The following PARD3 variants were observed in gnomAD, a reference collection of about 807,000 sequenced individuals.
PARD3 encodes par-3 family cell polarity regulator.
A neutral mutation model predicts 155.4 loss-of-function variants in PARD3; 75 were observed. The observed-to-expected ratio is 0.48, with a 90% confidence interval of 0.40 to 0.58. PARD3 has a LOEUF of 0.58. Ranked by LOEUF, PARD3 falls within the 20% of genes least tolerant of loss-of-function variation. The probability of loss-of-function intolerance (pLI) is 0.00; values close to 1 mark genes in which losing one functional copy is unlikely to be tolerated. For missense variants in PARD3, 1,642 were observed against 1,721.7 expected (o/e 0.95, Z 0.82); for synonymous variants, 576 against 610.5 (o/e 0.94, Z 0.83).
intron 7 of PARD3, among the ~76,000 whole-genome samples, chr10:34,392,061 G>A (rs1478376768): frequency 6.6e-6 from 1 of 152,146 alleles, no homozygotes; most frequent in African/African-American, 2.4e-5. Flanking sequence ...GGAGGCTGAG[G>A]TGGGAGGATC....
intron 2 of PARD3, among the ~76,000 whole-genome samples, chr10:34,607,358 C>A (rs760211107): frequency 6.6e-6 from 1 of 152,142 alleles, no homozygotes; most frequent in East Asian, 1.9e-4. Flanking sequence ...AAGATGACAA[C>A]CTCCTCAAGA....
intron 19 of PARD3, 56 bp downstream of exon 19, chr10:34,331,061 C>T (rs986343698): frequency 7.0e-7 from 1 of 1,428,906 alleles, no homozygotes; most frequent in Admixed American, 1.7e-5. Flanking sequence ...CTGGAGCTCA[C>T]TTTAAGAAAT....
At chr10:34,125,672 GA>G (rs1366414001) in intron 23 of PARD3, among the ~76,000 whole-genome samples, 2 of 152,188 alleles carry the variant, frequency 1.3e-5, no homozygotes, top group Non-Finnish European at 2.9e-5. Flanking sequence ...TCTGAAACAG[GA>G]AAAGGGAGAA....
chr10:34,777,003 A>ATTTTT lies in PARD3; in HGVS notation c.120+37868_120+37872dup, dbSNP rs758917237. Among the ~76,000 whole-genome samples the ATTTTT allele has an allele frequency of 3.6e-3, 443 of 122,362 alleles. 8 individuals carry two copies. The highest frequency in any genetic ancestry group is 0.014 in the African/African-American group (418 of 29,538). The allele number at this position is 122,362 out of a possible 152,430, so 80.3% of individuals were successfully genotyped here. A position where few individuals can be genotyped will look rare whatever the true frequency, so the allele number is the denominator to read the frequency against. ...AGGCATGTGCCACCATGTCTGGCTA[A>ATTTTT]TTTTTTTTTTTTTTTTTTTTTGTAT... On this transcript the variant is annotated intron_variant, in intron 1 of 24. Coordinates refer to ENST00000374788, the MANE Select transcript of PARD3 (RefSeq NM_001184785.2).
At chr10:34,394,702 C>A (rs1268352672) in intron 7 of PARD3, among the ~76,000 whole-genome samples, 1 of 152,126 alleles carries the variant, frequency 6.6e-6, no homozygotes, top group Non-Finnish European at 1.5e-5. Flanking sequence ...TTTTTATATA[C>A]TTAACATTAT....
intron 22 of PARD3, among the ~76,000 whole-genome samples, chr10:34,196,815 C>T (rs762866392): frequency 3.9e-5 from 6 of 152,036 alleles, no homozygotes; most frequent in African/African-American, 1.2e-4. Context: ...CCTCATGATC[C>T]GCCCACCTTG....
rs1371982030 is a variant in PARD3 at position 34,815,110 on chromosome 10, G to T, written c.-115C>A. 28 of 539,140 alleles carry T rather than the reference G, an allele frequency of 5.2e-5. No individual in the cohort carries two copies. Among genetic ancestry groups the T allele is most frequent in the Non-Finnish European group, 6.8e-5 (28 of 414,098 alleles). 33.4% of individuals were successfully genotyped at this position (539,140 alleles called of 1,614,324 possible). On this transcript the variant is annotated 5_prime_UTR_variant, in exon 1 of 25. Transcript: ENST00000374788. ...CCGCTGGGGACTCGGGCGCGCGGGCGGCTAGGGGCGCGGGCAGGCGGCGGC... is the reference window on the plus strand; with the variant it reads ...CCGCTGGGGACTCGGGCGCGCGGGCTGCTAGGGGCGCGGGCAGGCGGCGGC...
chr10:34,445,113 T>A (rs1284223352), intron 5 of PARD3, among the ~76,000 whole-genome samples: 1 of 152,142 alleles, frequency 6.6e-6, no homozygotes, highest in Non-Finnish European at 1.5e-5. Context: ...TGCAATCCTC[T>A]TTATTATATG....
intron 1 of PARD3, among the ~76,000 whole-genome samples, chr10:34,767,657 G>A (rs1838270661): frequency 6.6e-6 from 1 of 151,754 alleles, no homozygotes; most frequent in South Asian, 2.1e-4. Context: ...GGAGAGCAGT[G>A]GCATAATCTG....
chr10:34,240,060 G>A (rs907577133), intron 22 of PARD3, among the ~76,000 whole-genome samples: 3 of 152,134 alleles, frequency 2.0e-5, no homozygotes, highest in East Asian at 1.9e-4. Context: ...GTGATTTAGC[G>A]TATGACCCCC....
chr10:34,375,201 A>G (rs536763022), intron 10 of PARD3, among the ~76,000 whole-genome samples, 199 bp from the exon 11 acceptor site: 1 of 152,294 alleles, frequency 6.6e-6, no homozygotes, highest in African/African-American at 2.4e-5. Context: ...AACTAAGACC[A>G]GATATCTAGA....
rs1187347439 is a variant in PARD3, at chr10:34,789,199, G to A, written c.120+25677C>T. Among the ~76,000 whole-genome samples, 11 of 152,206 alleles carry A rather than the reference G, an allele frequency of 7.2e-5. No homozygotes were observed. In the East Asian group the frequency reaches 2.1e-3, roughly 29 times the overall value. ...CCCAGCACTACTGGAGGCCAAGGCA[G>A]GAAAATGGCTGGAGCCCAGGAGGCC... is the stretch of plus-strand genomic sequence containing the variant. On this transcript the variant is annotated intron_variant, in intron 1 of 24. Coordinates refer to ENST00000374788, the MANE Select transcript of PARD3 (RefSeq NM_001184785.2).
intron 20 of PARD3, 30 bp downstream of exon 20, chr10:34,317,077 A>T (rs751062877): frequency 1.3e-6 from 2 of 1,526,124 alleles, no homozygotes; most frequent in South Asian, 2.6e-5. Context: ...ATGTTTAAGG[A>T]GATTCTGGTT....
intron 2 of PARD3, among the ~76,000 whole-genome samples, chr10:34,676,774 A>G (rs879587833): frequency 6.6e-6 from 1 of 152,186 alleles, no homozygotes; most frequent in Non-Finnish European, 1.5e-5. Context: ...TAAATTCTCA[A>G]CTGGCAAATA....
intron 19 of PARD3, among the ~76,000 whole-genome samples, chr10:34,330,121 GT>G (rs1835459738): frequency 6.6e-6 from 1 of 152,098 alleles, no homozygotes; most frequent in African/African-American, 2.4e-5. Flanking sequence ...TCGTACAATA[GT>G]TTGATGGTTG....
rs575836999 is a variant in PARD3 at position 34,290,620 on chromosome 10, C to G, written c.3066-6375G>C. ...TCAATATAGTCACTAGTTCAGTATTCTGCCTTGTGTCTGACCCTCATTTCT... is the reference window on the plus strand; with the variant it reads ...TCAATATAGTCACTAGTTCAGTATTGTGCCTTGTGTCTGACCCTCATTTCT... On this transcript the variant is annotated intron_variant, in intron 20 of 24. Transcript: ENST00000374788. 3.3e-5 allele frequency among the ~76,000 whole-genome samples: 5 copies of G among 152,330 alleles called. No individual in the cohort carries two copies. In the East Asian group the frequency reaches 9.6e-4, roughly 29 times the overall value.
chr10:34,295,774 C>CT (rs1189140751), intron 20 of PARD3, among the ~76,000 whole-genome samples: 1 of 152,036 alleles, frequency 6.6e-6, no homozygotes, highest in Non-Finnish European at 1.5e-5. Flanking sequence ...ACCTATATAT[C>CT]TTTTTTTAGC....
intron 2 of PARD3, among the ~76,000 whole-genome samples, chr10:34,692,337 A>AGGTCCTGGACGAGACTTCATGAT (rs1320916850): frequency 2.0e-5 from 3 of 152,208 alleles, no homozygotes; most frequent in African/African-American, 7.2e-5. Context: ...TTCTGACCAT[A>AGGTCCTGGACGAGACTTCATGAT]GGTCCTGGAC....
At chr10:34,353,185 G>A (rs1054469628) in intron 14 of PARD3, among the ~76,000 whole-genome samples, 4 of 151,418 alleles carry the variant, frequency 2.6e-5, no homozygotes, top group African/African-American at 9.7e-5. Context: ...TGGGGGGCGC[G>A]TCTGCCTGGG....
Sources: gnomAD v4.1 joint callset for allele counts (sites outside exome capture counted in the v4.1 genomes callset) on GRCh38, gnomAD v4.1.1 for gene constraint, MANE v1.5 for transcripts, NCBI Gene and HGNC (gene_info 2026-07-23, HGNC 2026-07-21) for gene names.